Variants in GRID2 observed in about 807,000 individuals in gnomAD.
The protein encoded by GRID2 is glutamate ionotropic receptor delta type subunit 2, also known as glutamate receptor ionotropic, delta-2.
In GRID2, 33 loss-of-function variants were observed where a neutral mutation model predicts 114.8. The observed-to-expected ratio is 0.29, with a 90% confidence interval of 0.22 to 0.38. GRID2 has a LOEUF of 0.38. GRID2 is among the 10% of genes least tolerant of loss of function. The pLI, the probability that GRID2 is intolerant of heterozygous loss-of-function variation, is 1.00. For synonymous variants in GRID2, 505 were observed against 449.9 expected (o/e 1.12, Z -1.55); for missense variants, 1,184 against 1,257.7 (o/e 0.94, Z 0.89).
intron 14 of GRID2, among the ~76,000 whole-genome samples, chr4:93,629,180 TATCA>T (rs60654134): frequency 0.13 from 19,161 of 152,198 alleles, 1,537 homozygotes; most frequent in East Asian, 0.42. Flanking sequence ...GTGCTTTACC[TATCA>T]GAGATTTTAA....
chr4:93,244,566 A>G (rs1194423525), intron 8 of GRID2, among the ~76,000 whole-genome samples: 5 of 36,668 alleles, frequency 1.4e-4, no homozygotes, highest in Admixed American at 4.3e-4. Context: ...ATAATCTATT[A>G]TATATTAATT....
intron 1 of GRID2, among the ~76,000 whole-genome samples, chr4:92,424,053 G>C (rs1317575913): frequency 6.6e-6 from 1 of 152,050 alleles, no homozygotes; most frequent in Admixed American, 6.6e-5. Context: ...AGTATGGCAA[G>C]TGATATTTGG....
At chr4:93,335,791 T>C (rs1473699101) in intron 8 of GRID2, among the ~76,000 whole-genome samples, 1 of 151,280 alleles carries the variant, frequency 6.6e-6, no homozygotes, top group African/African-American at 2.4e-5. Context: ...CTCCACCTCC[T>C]GGGCTCAAGG....
rs867748238 is a variant in GRID2 at position 92,459,258 on chromosome 4, A to T, written c.89-130873A>T. 1.1e-4 allele frequency among the ~76,000 whole-genome samples: 16 copies of T among 152,318 alleles called. No individual in the cohort carries two copies. The Middle Eastern group carries it at 0.017, about 162-fold the overall frequency. On this transcript the variant is annotated intron_variant, in intron 1 of 15. Transcript: ENST00000282020. Reference sequence around the variant, plus strand: ...AAATAAATCAATATTCAAATATGTAAGTCATATAATTGTTATAAATAATTT... The same window carrying T: ...AAATAAATCAATATTCAAATATGTATGTCATATAATTGTTATAAATAATTT...
intron 2 of GRID2, among the ~76,000 whole-genome samples, chr4:93,017,349 T>C (rs1722847216): frequency 6.6e-6 from 1 of 152,214 alleles, no homozygotes; most frequent in African/African-American, 2.4e-5. Context: ...TAGCCTTTTT[T>C]AGTATAGCTA....
intron 2 of GRID2, among the ~76,000 whole-genome samples, chr4:92,843,370 A>G (rs969719007): frequency 4.6e-5 from 7 of 152,162 alleles, no homozygotes; most frequent in Non-Finnish European, 1.0e-4. Context: ...TTTGAATTCA[A>G]GAACTCCTTT....
chr4:92,355,309 A>G (rs185941922), intron 1 of GRID2, among the ~76,000 whole-genome samples: 7 of 151,754 alleles, frequency 4.6e-5, no homozygotes, highest in Non-Finnish European at 7.4e-5. Flanking sequence ...CCTTGGACTA[A>G]TTGATAATTT....
At chr4:92,425,117 C>T (rs1732094040) in intron 1 of GRID2, among the ~76,000 whole-genome samples, 2 of 151,928 alleles carry the variant, frequency 1.3e-5, no homozygotes, top group South Asian at 4.1e-4. Flanking sequence ...AGAATTATTT[C>T]AAATAGTTTA....
chr4:92,392,140 A>G (rs1346735000), intron 1 of GRID2, among the ~76,000 whole-genome samples: 3 of 152,206 alleles, frequency 2.0e-5, no homozygotes. Flanking sequence ...GCCTGAGCCT[A>G]TATCATCTTT....
intron 8 of GRID2, among the ~76,000 whole-genome samples, chr4:93,388,472 G>T (rs942472962): frequency 6.6e-6 from 1 of 152,072 alleles, no homozygotes; most frequent in South Asian, 2.1e-4. Context: ...TAGAAACAAT[G>T]TTTAAATTTT....
At chr4:92,887,877 T>A (rs1746485647) in intron 2 of GRID2, among the ~76,000 whole-genome samples, 1 of 152,250 alleles carries the variant, frequency 6.6e-6, no homozygotes, top group African/African-American at 2.4e-5. Context: ...TGTCTTTATT[T>A]CTTTCTGTCC....
At chr4:92,777,203 T>C (rs1190048212) in intron 2 of GRID2, among the ~76,000 whole-genome samples, 1 of 151,954 alleles carries the variant, frequency 6.6e-6, no homozygotes, top group African/African-American at 2.4e-5. Flanking sequence ...TCTAAGCATG[T>C]ATAAGTAGGT....
intron 8 of GRID2, among the ~76,000 whole-genome samples, chr4:93,247,308 T>C (rs1294356159): frequency 6.6e-6 from 1 of 152,202 alleles, no homozygotes. Flanking sequence ...TGGATCTGTC[T>C]ATAAGGTATT....
intron 8 of GRID2, among the ~76,000 whole-genome samples, chr4:93,252,976 G>A (rs898319236): frequency 2.0e-5 from 3 of 151,950 alleles, no homozygotes; most frequent in African/African-American, 4.8e-5. Flanking sequence ...CAGGCCGGAC[G>A]AAGTGGTTTA....
chr4:93,749,999 G>A (rs1456452959), intron 14 of GRID2, among the ~76,000 whole-genome samples: 3 of 152,194 alleles, frequency 2.0e-5, no homozygotes, highest in Admixed American at 6.5e-5. Context: ...TGTGAGACAT[G>A]TTAACTATCA....
At chr4:92,769,273 A>G (rs1397898578) in intron 2 of GRID2, among the ~76,000 whole-genome samples, 5 of 152,292 alleles carry the variant, frequency 3.3e-5, no homozygotes, top group Admixed American at 2.0e-4. Context: ...GGTCATGCTG[A>G]TGCAAAAAAT....
chr4:93,141,985 T>G (rs1010962750), intron 4 of GRID2, among the ~76,000 whole-genome samples: 9 of 152,202 alleles, frequency 5.9e-5, no homozygotes, highest in South Asian at 2.1e-4. Context: ...TGCTGGCTTA[T>G]GCCTGTAATC....
intron 2 of GRID2, among the ~76,000 whole-genome samples, chr4:92,634,122 A>AAAC (rs1553910363): frequency 1.3e-5 from 2 of 151,846 alleles, no homozygotes; most frequent in South Asian, 2.1e-4. Context: ...TGCAAAAAAA[A>AAAC]AAACAACAAA....
intron 2 of GRID2, among the ~76,000 whole-genome samples, chr4:92,602,235 A>G (rs900021246): frequency 1.3e-5 from 2 of 151,492 alleles, no homozygotes; most frequent in African/African-American, 2.4e-5. Flanking sequence ...AAAGAAAAAA[A>G]GAAAGAAAAA....
Sources: allele counts gnomAD v4.1 joint callset (sites outside exome capture counted in the v4.1 genomes callset), GRCh38; gene constraint gnomAD v4.1.1; transcripts MANE v1.5; gene names NCBI Gene and HGNC (gene_info 2026-07-23, HGNC 2026-07-21).